The following SYN2 variants were observed in gnomAD, a reference collection of about 807,000 sequenced individuals.
The protein encoded by SYN2 is synapsin II.
Under a neutral mutation model 50.9 loss-of-function variants are expected in SYN2, and 19 were observed. The ratio of observed to expected loss-of-function variants is 0.37; its 90% CI spans 0.26 to 0.55. The LOEUF (loss-of-function observed/expected upper bound fraction) is 0.55, where lower values mean the gene tolerates loss of function less well. SYN2 is among the 20% of genes least tolerant of loss of function. The pLI is 0.81. For missense variants in SYN2, 587 were observed against 576.4 expected (o/e 1.02, Z -0.19); for synonymous variants, 255 against 224.9 (o/e 1.13, Z -1.20).
intron 5 of SYN2, chr3:12,153,202 A>G: frequency 9.0e-6 from 4 of 446,056 alleles, no homozygotes; most frequent in Non-Finnish European, 1.7e-5. Context: ...GATTAAGACA[A>G]AGGAAAACAC....
chr3:12,145,573 G>A, intron 3 of SYN2, 106 bp from the exon 4 acceptor site: 1 of 1,268,808 alleles, frequency 7.9e-7, no homozygotes, highest in Non-Finnish European at 1.1e-6. Context: ...TGGACTAGGT[G>A]GTTCCTAAGC....
At chr3:12,121,284 G>T (rs1417336983) in intron 1 of SYN2, among the ~76,000 whole-genome samples, 1 of 152,158 alleles carries the variant, frequency 6.6e-6, no homozygotes, top group Admixed American at 6.5e-5. Context: ...TCTCGTACTA[G>T]ACAGCATTCC....
In SYN2 at chr3:12,004,649, A is replaced by AGCC. The variant is rs202010288; in HGVS notation, c.114_116dup (p.Pro40dup). On this transcript the variant is annotated inframe_insertion, in exon 1 of 13. Transcript: ENST00000621198. ...GACCTGCAGCGGCCCGAGCCCCAGC[A>AGCC]GCCGCCGCCGCCGCCGCCCCCCGGT... 2.9e-3 allele frequency: 1,115 copies of AGCC among 381,146 alleles called. 9 individuals are homozygous for AGCC. The highest frequency in any genetic ancestry group is 0.021 in the African/African-American group (974 of 46,586). 23.6% of individuals were successfully genotyped at this position (381,146 alleles called of 1,614,324 possible).
chr3:12,122,777 C>G (rs1469921405), intron 1 of SYN2, among the ~76,000 whole-genome samples: 1 of 151,784 alleles, frequency 6.6e-6, no homozygotes, highest in Non-Finnish European at 1.5e-5. Flanking sequence ...CAGAAGAAAA[C>G]ATAAACCCTC....
intron 1 of SYN2, among the ~76,000 whole-genome samples, chr3:12,098,022 T>C (rs1032523209): frequency 6.6e-6 from 1 of 152,162 alleles, no homozygotes; most frequent in Non-Finnish European, 1.5e-5. Context: ...AAAAAGAATT[T>C]ATTCATCTGA....
intron 7 of SYN2, among the ~76,000 whole-genome samples, chr3:12,163,215 C>G (rs1005227379): frequency 1.5e-5 from 2 of 136,704 alleles, no homozygotes; most frequent in Admixed American, 8.0e-5. Flanking sequence ...GCACTCCAGC[C>G]TGGGCGACAG....
chr3:12,129,613 C>T (rs1362417748), intron 1 of SYN2, among the ~76,000 whole-genome samples: 1 of 152,046 alleles, frequency 6.6e-6, no homozygotes, highest in Non-Finnish European at 1.5e-5. Flanking sequence ...AGTGTGTATA[C>T]CCCAGCCAGA....
intron 1 of SYN2, among the ~76,000 whole-genome samples, chr3:12,051,012 G>A (rs1257641949): frequency 6.6e-6 from 1 of 151,934 alleles, no homozygotes; most frequent in African/African-American, 2.4e-5. Flanking sequence ...TGGGATTACA[G>A]GCGTGAGCCA....
In SYN2 at chr3:12,034,060, G is replaced by A. The variant is rs551410738; in HGVS notation, c.377+29132G>A. Among the ~76,000 whole-genome samples the A allele has an allele frequency of 3.9e-5, 6 of 152,322 alleles. No homozygotes were observed. The South Asian group carries it at 1.2e-3, about 32-fold the overall frequency. ...TAGGTATATCCCTAGGAGTGGAAGT[G>A]CTGGGTTATATAGTAATTTTATTTT... On this transcript the variant is annotated intron_variant, in intron 1 of 12. Coordinates refer to ENST00000621198, the MANE Select transcript of SYN2 (RefSeq NM_133625.6).
At chr3:12,064,709 TAAA>T (rs1695174583) in intron 1 of SYN2, among the ~76,000 whole-genome samples, 2 of 152,128 alleles carry the variant, frequency 1.3e-5, no homozygotes, top group Admixed American at 1.3e-4. Context: ...ACAACTATAA[TAAA>T]AAAGACAGAG....
chr3:12,008,064 C>G (rs1693834282), intron 1 of SYN2, among the ~76,000 whole-genome samples: 1 of 152,138 alleles, frequency 6.6e-6, no homozygotes, highest in Non-Finnish European at 1.5e-5. Context: ...ATTTGAAATG[C>G]AATTAAGATT....
chr3:12,120,835 G>C (rs1398758268), intron 1 of SYN2, among the ~76,000 whole-genome samples: 1 of 152,070 alleles, frequency 6.6e-6, no homozygotes, highest in African/African-American at 2.4e-5. Flanking sequence ...CCAGAATGCT[G>C]TGAATTTCTC....
At chr3:12,149,282 C>T (rs970064175) in intron 4 of SYN2, among the ~76,000 whole-genome samples, 19 of 152,180 alleles carry the variant, frequency 1.2e-4, no homozygotes, top group African/African-American at 3.4e-4. Flanking sequence ...GGCATTAACT[C>T]CCTAGGGATG....
chr3:12,146,444 AAAGT>A (rs1391585983), intron 4 of SYN2, among the ~76,000 whole-genome samples: 2 of 152,382 alleles, frequency 1.3e-5, no homozygotes, highest in East Asian at 3.9e-4. Flanking sequence ...TTAAAGAAGG[AAAGT>A]AAGGTGTAGA....
intron 1 of SYN2, chr3:12,070,358 T>C (rs1695321647): frequency 2.0e-6 from 1 of 512,400 alleles, no homozygotes; most frequent in South Asian, 1.6e-5. Context: ...GGCACGATGG[T>C]GGGCATGGGT....
intron 1 of SYN2, among the ~76,000 whole-genome samples, chr3:12,028,244 A>G (rs903366244): frequency 3.3e-5 from 5 of 151,960 alleles, no homozygotes; most frequent in Non-Finnish European, 5.9e-5. Context: ...CATGGTGTAT[A>G]TGTGCCACAT....
At chr3:12,132,934 T>G (rs1167140011) in intron 1 of SYN2, among the ~76,000 whole-genome samples, 1 of 152,232 alleles carries the variant, frequency 6.6e-6, no homozygotes, top group Admixed American at 6.5e-5. Flanking sequence ...CATGATCCTC[T>G]GATAAGATTA....
At chr3:12,103,044 G>C (rs1386627028) in intron 1 of SYN2, among the ~76,000 whole-genome samples, 1 of 152,040 alleles carries the variant, frequency 6.6e-6, no homozygotes, top group Non-Finnish European at 1.5e-5. Flanking sequence ...TATGTATTTG[G>C]TTAATCTCCA....
chr3:12,060,773 T>G (rs307598), intron 1 of SYN2, among the ~76,000 whole-genome samples: 5 of 151,984 alleles, frequency 3.3e-5, no homozygotes, highest in Non-Finnish European at 7.4e-5. Context: ...AACATAAAAC[T>G]TCACACTAAA....
Sources: gnomAD v4.1 joint callset for allele counts (sites outside exome capture counted in the v4.1 genomes callset) on GRCh38, gnomAD v4.1.1 for gene constraint, MANE v1.5 for transcripts, NCBI Gene and HGNC (gene_info 2026-07-23, HGNC 2026-07-21) for gene names.